Variants in DTNBP1 observed in about 807,000 individuals in gnomAD.
DTNBP1 encodes dysbindin.
DTNBP1 carries 35 observed loss-of-function variants against 42.8 expected under a neutral mutation model. The observed-to-expected ratio is 0.82, with a 90% CI of 0.63 to 1.09. DTNBP1 has a LOEUF of 1.09. DTNBP1 is among the 50% of genes least tolerant of loss of function. The pLI is 0.00. For missense variants in DTNBP1, 457 were observed against 424.2 expected, an observed-to-expected ratio of 1.08 and a Z score of -0.68; for synonymous variants, 171 against 162.2, an observed-to-expected ratio of 1.05 and a Z score of -0.41.
chr6:15,584,719 T>C (rs2113592646), intron 7 of DTNBP1, among the ~76,000 whole-genome samples: 1 of 147,668 alleles, frequency 6.8e-6, no homozygotes, highest in Admixed American at 6.7e-5. Flanking sequence ...TTTTTTTTTT[T>C]TTTTTTTTTC....
At chr6:15,527,429 T>C (rs1581696060) in intron 8 of DTNBP1, among the ~76,000 whole-genome samples, 1 of 152,184 alleles carries the variant, frequency 6.6e-6, no homozygotes, top group East Asian at 1.9e-4. Flanking sequence ...TTAAAAAACA[T>C]TTATAAACAG....
chr6:15,651,217 A>C, intron 3 of DTNBP1, 96 bp downstream of exon 3: 1 of 1,068,894 alleles, frequency 9.4e-7, no homozygotes, highest in Admixed American at 2.0e-5. Context: ...GATAAAATTT[A>C]GCTGTTTTAA....
intron 7 of DTNBP1, among the ~76,000 whole-genome samples, chr6:15,578,292 G>A (rs1321813589): frequency 6.6e-6 from 1 of 152,234 alleles, no homozygotes; most frequent in East Asian, 1.9e-4. Context: ...GGAAAGCAAT[G>A]AGGAATGGGA....
At chr6:15,641,216 C>T (rs1017867991) in intron 3 of DTNBP1, among the ~76,000 whole-genome samples, 3 of 151,972 alleles carry the variant, frequency 2.0e-5, no homozygotes, top group African/African-American at 4.8e-5. Context: ...GGTGTGTGTG[C>T]GTGTTTTTGT....
chr6:15,652,726 C>G (rs1180926709), intron 1 of DTNBP1, among the ~76,000 whole-genome samples: 1 of 152,098 alleles, frequency 6.6e-6, no homozygotes, highest in East Asian at 1.9e-4. Flanking sequence ...CTCTTGGGCT[C>G]AAGCAATCTT....
At chr6:15,635,966 G>T (rs1306879258) in intron 4 of DTNBP1, among the ~76,000 whole-genome samples, 1 of 151,940 alleles carries the variant, frequency 6.6e-6, no homozygotes, top group Non-Finnish European at 1.5e-5. Context: ...GTCCTTTATG[G>T]GTCTAAATCT....
intron 7 of DTNBP1, among the ~76,000 whole-genome samples, chr6:15,575,161 C>T (rs1406860291): frequency 6.6e-6 from 1 of 151,974 alleles, no homozygotes; most frequent in Non-Finnish European, 1.5e-5. Context: ...CTTATTTGGG[C>T]TATTCCAGTG....
intron 4 of DTNBP1, among the ~76,000 whole-genome samples, chr6:15,633,163 A>G (rs956786348): frequency 8.5e-5 from 13 of 152,222 alleles, no homozygotes; most frequent in South Asian, 2.1e-4. Flanking sequence ...TACTGCACAC[A>G]AGCAACTGTT....
At chr6:15,621,890 A>G (rs1581403404) in intron 5 of DTNBP1, among the ~76,000 whole-genome samples, 1 of 152,020 alleles carries the variant, frequency 6.6e-6, no homozygotes, top group South Asian at 2.1e-4. Flanking sequence ...CCCTCCTCCC[A>G]CAGGGCTCCC....
In DTNBP1 at chr6:15,611,445, C is replaced by G. The variant is rs577341924; in HGVS notation, c.488+3822G>C. 6.6e-5 allele frequency among the ~76,000 whole-genome samples: 10 copies of G among 152,306 alleles called. No homozygotes were observed. In the South Asian group the frequency reaches 2.1e-3, roughly 32 times the overall value. On this transcript the variant is annotated intron_variant, in intron 6 of 9. Transcript: ENST00000344537. ...CAACGTTGTTTCATTGTTGTGAACGCAACACTGATTCTGCAGCCTATGGAA... is the reference window on the plus strand; with the variant it reads ...CAACGTTGTTTCATTGTTGTGAACGGAACACTGATTCTGCAGCCTATGGAA...
chr6:15,618,244 G>A (rs995813366), intron 5 of DTNBP1, among the ~76,000 whole-genome samples: 1 of 152,022 alleles, frequency 6.6e-6, no homozygotes, highest in African/African-American at 2.4e-5. Flanking sequence ...ATGGCCAACA[G>A]GTATATGGAA....
chr6:15,647,462 G>A, intron 3 of DTNBP1, among the ~76,000 whole-genome samples: 1 of 151,614 alleles, frequency 6.6e-6, no homozygotes, highest in Non-Finnish European at 1.5e-5. Context: ...ATAATTCACT[G>A]GAGGAGTTCA....
intron 7 of DTNBP1, among the ~76,000 whole-genome samples, chr6:15,561,983 G>A (rs894457595): frequency 1.3e-5 from 2 of 152,222 alleles, no homozygotes; most frequent in Non-Finnish European, 2.9e-5. Flanking sequence ...CCAGGACTAT[G>A]TTCAGAAGTT....
chr6:15,611,557 C>T lies in DTNBP1; in HGVS notation c.488+3710G>A, dbSNP rs74892944. The stretch of plus-strand genomic sequence containing the variant: ...CTGCCATAGATAATGATTCCTTCAA[C>T]GGATCTAGGTCAACTGAAAACCTCT... On this transcript the variant is annotated intron_variant, in intron 6 of 9. Coordinates refer to ENST00000344537, the MANE Select transcript of DTNBP1 (RefSeq NM_032122.5). Among the ~76,000 whole-genome samples the T allele has an allele frequency of 5.7e-3, 863 of 152,268 alleles. 10 individuals carry two copies. The highest frequency in any genetic ancestry group is 0.034 in the South Asian group (163 of 4,818).
intron 7 of DTNBP1, among the ~76,000 whole-genome samples, chr6:15,551,766 G>A (rs1390300519): frequency 3.9e-5 from 6 of 152,186 alleles, no homozygotes; most frequent in South Asian, 2.1e-4. Flanking sequence ...TGGAGTTGGC[G>A]CTCGGCAACA....
chr6:15,651,175 A>G (rs1015826678), intron 3 of DTNBP1, 138 bp downstream of exon 3: 4 of 819,196 alleles, frequency 4.9e-6, no homozygotes, highest in Non-Finnish European at 8.2e-6. Flanking sequence ...CAAGGAAAAT[A>G]ATACATAAAT....
chr6:15,529,242 G>A (rs189220381), intron 8 of DTNBP1, among the ~76,000 whole-genome samples: 1 of 152,276 alleles, frequency 6.6e-6, no homozygotes, highest in Admixed American at 6.5e-5. Flanking sequence ...CTATGACCAC[G>A]CCACTGCACT....
At chr6:15,552,722 AC>A (rs1774281785) in intron 7 of DTNBP1, among the ~76,000 whole-genome samples, 1 of 152,222 alleles carries the variant, frequency 6.6e-6, no homozygotes. Flanking sequence ...CTAAAATAAG[AC>A]CCATATGGTT....
chr6:15,633,278 A>G (rs1267644033), intron 4 of DTNBP1, among the ~76,000 whole-genome samples: 5 of 152,244 alleles, frequency 3.3e-5, no homozygotes, highest in Non-Finnish European at 5.9e-5. Flanking sequence ...AACACATTTT[A>G]TAAGGTTATA....
Sources: allele counts gnomAD v4.1 joint callset (sites outside exome capture counted in the v4.1 genomes callset), GRCh38; gene constraint gnomAD v4.1.1; transcripts MANE v1.5; gene names NCBI Gene and HGNC (gene_info 2026-07-23, HGNC 2026-07-21).